The following TTBK2 variants were observed in gnomAD, a reference collection of about 807,000 sequenced individuals.
TTBK2 encodes the protein tau-tubulin kinase 2.
TTBK2 carries 28 observed loss-of-function variants against 110.8 expected under a neutral mutation model. The ratio of observed to expected loss-of-function variants is 0.25; its 90% confidence interval spans 0.19 to 0.35. TTBK2 has a LOEUF of 0.35. Among genes scored for constraint, TTBK2 ranks in the 10% least tolerant of loss-of-function variants. TTBK2 has a pLI of 1.00. For synonymous variants in TTBK2, 532 were observed against 527.3 expected (o/e 1.01, Z -0.12); for missense variants, 1,369 against 1,500.3 (o/e 0.91, Z 1.45).
At chr15:42,861,477 C>G (rs1198188732) in intron 3 of TTBK2, among the ~76,000 whole-genome samples, 2 of 151,958 alleles carry the variant, frequency 1.3e-5, no homozygotes, top group African/African-American at 4.8e-5. Context: ...TGGAAGTTAA[C>G]CTAGTCCTGA....
chr15:42,823,381 G>C (rs1003413536), intron 6 of TTBK2, among the ~76,000 whole-genome samples: 1 of 152,062 alleles, frequency 6.6e-6, no homozygotes, highest in African/African-American at 2.4e-5. Context: ...GGACTTCTTT[G>C]CCCCTCACAA....
intron 4 of TTBK2, among the ~76,000 whole-genome samples, chr15:42,839,955 G>C (rs999195005): frequency 2.0e-5 from 3 of 152,152 alleles, no homozygotes; most frequent in Non-Finnish European, 4.4e-5. Flanking sequence ...AGAATGGTAA[G>C]AAATAAATCT....
At position 42,845,159 on chromosome 15, in the gene TTBK2, A is replaced by C. The variant is rs180796309; in HGVS notation, c.218-4726T>G. On this transcript the variant is annotated intron_variant, in intron 3 of 14. Coordinates refer to ENST00000267890, the MANE Select transcript of TTBK2 (RefSeq NM_173500.4). ...CACCCACAAAGTCATAAAGGATCTA[A>C]GTACATGTGATAAATAATTAATAGA... 5.1e-3 allele frequency among the ~76,000 whole-genome samples: 772 copies of C among 152,294 alleles called. 6 individuals carry two copies. Among genetic ancestry groups the C allele is most frequent in the Non-Finnish European group, 8.1e-3 (549 of 68,014 alleles).
intron 6 of TTBK2, among the ~76,000 whole-genome samples, chr15:42,822,122 T>C (rs1022156380): frequency 1.8e-4 from 27 of 152,210 alleles, no homozygotes; most frequent in African/African-American, 6.0e-4. Flanking sequence ...TTTATTGTGT[T>C]GTTTTCTTTT....
At chr15:42,801,385 G>C (rs754274212) in intron 9 of TTBK2, 1 of 1,309,802 alleles carries the variant, frequency 7.6e-7, no homozygotes, top group Admixed American at 1.7e-5. Flanking sequence ...TTAATGGCTA[G>C]CTCCCCACGC....
At chr15:42,879,437 C>G (rs945752704) in intron 1 of TTBK2, among the ~76,000 whole-genome samples, 1 of 151,948 alleles carries the variant, frequency 6.6e-6, no homozygotes, top group African/African-American at 2.4e-5. Context: ...AAGAAATAAG[C>G]CAAAACTTAA....
At chr15:42,860,727 C>A (rs1894125970) in intron 3 of TTBK2, among the ~76,000 whole-genome samples, 1 of 140,624 alleles carries the variant, frequency 7.1e-6, no homozygotes. Flanking sequence ...AGTGTAATGG[C>A]GGATCTCAGC....
rs1259293571 is a variant in TTBK2, at chr15:42,752,227, G to A, written c.3019C>T (p.Leu1007=). 2.5e-6 allele frequency: 4 copies of A among 1,614,092 alleles called. No individual in the cohort carries two copies. The highest frequency in any genetic ancestry group is 3.4e-6 in the Non-Finnish European group (4 of 1,179,984). ...SASDKLLEEK[L]ATVPAPFCEE... ...CAAAAGGGAGCAGGAACAGTAGCTA[G>A]TTTCTCCTCTAGCAATTTATCAGAG... Residue 1007 remains leucine (L), a synonymous_variant, in exon 14 of 15, where the codon CTA becomes TTA. Transcript: ENST00000267890.
At position 42,811,734 on chromosome 15, in the gene TTBK2, A is replaced by G; in HGVS notation, c.650T>C (p.Val217Ala). ...DDLWSLFYML[V>A]EFVVGQLPWR... Reference sequence around the variant, plus strand: ...GGGCAGCTGACCAACCACAAACTCCACCAACATGTAGAATAAGGACCAAAG... The same window carrying G: ...GGGCAGCTGACCAACCACAAACTCCGCCAACATGTAGAATAAGGACCAAAG... The change falls in exon 8 of 15, where the codon GTG becomes GCG. Residue 217 changes from valine to alanine, a missense_variant. Coordinates refer to ENST00000267890, the MANE Select transcript of TTBK2 (RefSeq NM_173500.4). 1 of 1,613,718 alleles carries G rather than the reference A, an allele frequency of 6.2e-7. No homozygotes were observed. The highest frequency in any genetic ancestry group is 8.5e-7 in the Non-Finnish European group (1 of 1,179,818).
At chr15:42,846,696 GT>G (rs1893481649) in intron 3 of TTBK2, among the ~76,000 whole-genome samples, 2 of 152,200 alleles carry the variant, frequency 1.3e-5, no homozygotes, top group African/African-American at 4.8e-5. Context: ...CTGAGTTTAT[GT>G]TAATCAGGTA....
chr15:42,753,190 A>G lies in TTBK2; in HGVS notation c.2056T>C (p.Cys686Arg). 1.2e-6 allele frequency: 2 copies of G among 1,611,994 alleles called. No individual in the cohort carries two copies. The highest frequency in any genetic ancestry group is 1.7e-6 in the Non-Finnish European group (2 of 1,179,540). The change falls in exon 14 of 15, where the codon TGT becomes CGT. Residue 686 changes from cysteine (C) to arginine (R), a missense_variant. Cys to Arg is a radical substitution (Grantham distance 180). This residue lies in a region of TTBK2 where 1,097 missense variants were observed against 1,114.7 expected (regional missense o/e 0.98). Coordinates refer to ENST00000267890, the MANE Select transcript of TTBK2 (RefSeq NM_173500.4). ...STQSTSGSFH[C>R]GQQPEKKDLQ... ...TCTTTCTTCTCTGGCTGCTGACCAC[A>G]GTGAAAGCTTCCTGAAGTTGACTGT... is the stretch of plus-strand genomic sequence containing the variant.
chr15:42,854,524 T>G (rs933815211), intron 3 of TTBK2, among the ~76,000 whole-genome samples: 3 of 152,202 alleles, frequency 2.0e-5, no homozygotes, highest in Non-Finnish European at 4.4e-5. Flanking sequence ...GGTTTTGTTA[T>G]ACGTTGTTTT....
intron 2 of TTBK2, among the ~76,000 whole-genome samples, chr15:42,878,194 A>G (rs113476707): frequency 0.059 from 8,845 of 150,830 alleles, 821 homozygotes; most frequent in African/African-American, 0.2. Flanking sequence ...GTGTTAGCCA[A>G]GATGGTCTTG....
At chr15:42,815,531 C>T (rs1030538959) in intron 7 of TTBK2, among the ~76,000 whole-genome samples, 4 of 151,954 alleles carry the variant, frequency 2.6e-5, no homozygotes, top group African/African-American at 4.8e-5. Flanking sequence ...CATAAAAATG[C>T]CCAGTTTTCC....
Position 42,883,585 on chromosome 15 carries a change from CAA to C in TTBK2, c.-67-4903_-67-4902del, listed in dbSNP as rs143766227. Among the ~76,000 whole-genome samples, 962 of 150,798 alleles carry C rather than the reference CAA, an allele frequency of 6.4e-3. 1 individual carries two copies. The highest frequency in any genetic ancestry group is 9.1e-3 in the Non-Finnish European group (618 of 67,742). ...TATAGCAACCGCTTTAAAAACTACA[CAA>C]AGAGATATCAGGAAAAGCAAAAAAA... On this transcript the variant is annotated intron_variant, in intron 1 of 14. Transcript: ENST00000267890.
chr15:42,746,071 G>A lies in TTBK2; in HGVS notation c.3459C>T (p.Ala1153=). ...SPVVPRRSPS[A]SPRSSSLPRT... is the part of the protein sequence containing the mutation. Reference sequence around the variant, plus strand: ...GAGGCAAGGATGAGCTTCGAGGAGAGGCACTGGGACTCCTGCGAGGGACAA... The same window carrying A: ...GAGGCAAGGATGAGCTTCGAGGAGAAGCACTGGGACTCCTGCGAGGGACAA... The change falls in exon 15 of 15, where the codon GCC becomes GCT. Residue 1153 remains alanine (A), a synonymous_variant. Transcript: ENST00000267890. 6.2e-7 allele frequency: 1 copy of A among 1,614,152 alleles called. No individual in the cohort carries two copies. Among genetic ancestry groups the A allele is most frequent in the Non-Finnish European group, 8.5e-7 (1 of 1,180,032 alleles).
At chr15:42,771,666 C>T (rs1056532289) in intron 13 of TTBK2, among the ~76,000 whole-genome samples, 3 of 152,224 alleles carry the variant, frequency 2.0e-5, no homozygotes, top group Non-Finnish European at 4.4e-5. Flanking sequence ...TGTTGGCTAA[C>T]AGGTTATTAA....
rs372546325 is a variant in TTBK2 at position 42,810,706 on chromosome 15, G to C, written c.730C>G (p.His244Asp). Residue 244 changes from histidine (H) to aspartate (D), a missense_variant, in exon 9 of 15, where the codon CAC becomes GAC. Physicochemically the swap from His to Asp is moderately conservative, Grantham distance 81. Transcript: ENST00000267890. ...QVGSIKERYD[H>D]RLMLKHLPPE... Reference sequence around the variant, plus strand: ...GGGAGATGTTTCAACATGAGCCTGTGGTCATATCTCTCCTTAATAGAGCCT... The same window carrying C: ...GGGAGATGTTTCAACATGAGCCTGTCGTCATATCTCTCCTTAATAGAGCCT... The C allele has an allele frequency of 1.2e-6, 2 of 1,613,746 alleles. No homozygotes were observed. The highest frequency in any genetic ancestry group is 1.7e-6 in the Non-Finnish European group (2 of 1,179,892).
chr15:42,773,211 A>G (rs917040043), intron 13 of TTBK2, among the ~76,000 whole-genome samples: 1 of 152,138 alleles, frequency 6.6e-6, no homozygotes, highest in African/African-American at 2.4e-5. Flanking sequence ...TCTAAAATAG[A>G]AATAAAAAAC....
Sources: gnomAD v4.1 joint callset for allele counts (sites outside exome capture counted in the v4.1 genomes callset) on GRCh38, gnomAD v4.1.1 for gene constraint, gnomAD v4.1.1 regional missense constraint, MANE v1.5 for transcripts, NCBI Gene and HGNC (gene_info 2026-07-23, HGNC 2026-07-21) for gene names.